Variants in AGO3 observed in about 807,000 individuals in gnomAD.
AGO3 encodes argonaute RISC catalytic component 3.
In AGO3, 16 loss-of-function variants were observed where a neutral mutation model predicts 105.5. The ratio of observed to expected loss-of-function variants is 0.15; its 90% CI spans 0.10 to 0.23. The LOEUF (loss-of-function observed/expected upper bound fraction) is 0.23, where lower values mean the gene tolerates loss of function less well. Among genes scored for constraint, AGO3 ranks in the 10% least tolerant of loss-of-function variants. The probability of loss-of-function intolerance (pLI) is 1.00; values close to 1 mark genes in which losing one functional copy is unlikely to be tolerated. For missense variants in AGO3, 534 were observed against 1,088.0 expected (o/e 0.49, Z 7.16); for synonymous variants, 340 against 367.3 (o/e 0.93, Z 0.85).
chr1:35,991,537 A>T (rs1647656829), intron 5 of AGO3, among the ~76,000 whole-genome samples: 1 of 140,096 alleles, frequency 7.1e-6, no homozygotes, highest in South Asian at 2.1e-4. Flanking sequence ...AGCAAATTTT[A>T]TATATATATA....
intron 5 of AGO3, among the ~76,000 whole-genome samples, chr1:35,979,037 G>A (rs1028013489): frequency 7.9e-5 from 12 of 152,058 alleles, no homozygotes; most frequent in African/African-American, 2.7e-4. Context: ...TTCTGGATTT[G>A]TTGTGAATTT....
At chr1:36,052,551 G>A (rs1374408873) in intron 17 of AGO3, among the ~76,000 whole-genome samples, 2 of 152,080 alleles carry the variant, frequency 1.3e-5, no homozygotes, top group East Asian at 3.8e-4. Flanking sequence ...AGTGGGTTTG[G>A]AATTTTCCTG....
chr1:35,955,412 T>C (rs1246224473), intron 2 of AGO3, among the ~76,000 whole-genome samples: 1 of 152,178 alleles, frequency 6.6e-6, no homozygotes. Flanking sequence ...TTTTAATATG[T>C]AACTGTAGAA....
intron 2 of AGO3, among the ~76,000 whole-genome samples, chr1:35,955,036 C>G (rs1023475665): frequency 1.3e-5 from 2 of 152,152 alleles, no homozygotes; most frequent in Non-Finnish European, 2.9e-5. Context: ...ATAACAGAAA[C>G]AGGCCAGTAT....
intron 1 of AGO3, among the ~76,000 whole-genome samples, chr1:35,935,349 A>G (rs904293319): frequency 3.3e-5 from 5 of 152,242 alleles, no homozygotes; most frequent in Admixed American, 2.0e-4. Flanking sequence ...CCATGATTCT[A>G]TCAGCCTCAT....
intron 5 of AGO3, among the ~76,000 whole-genome samples, chr1:36,001,162 G>A (rs1034913095): frequency 6.6e-6 from 1 of 151,030 alleles, no homozygotes; most frequent in Non-Finnish European, 1.5e-5. Context: ...CTGAACCTGG[G>A]AGGCAGAGGT....
At chr1:35,966,212 A>G (rs1646771995) in intron 2 of AGO3, among the ~76,000 whole-genome samples, 1 of 152,216 alleles carries the variant, frequency 6.6e-6, no homozygotes, top group Non-Finnish European at 1.5e-5. Flanking sequence ...AAACAAAATA[A>G]AAGTGACCCT....
At chr1:35,975,505 T>G (rs1337625418) in intron 5 of AGO3, among the ~76,000 whole-genome samples, 4 of 152,198 alleles carry the variant, frequency 2.6e-5, no homozygotes, top group Non-Finnish European at 5.9e-5. Flanking sequence ...TTACCTAGGT[T>G]GCTATTTGTC....
At position 36,034,277 on chromosome 1, in the gene AGO3, C is replaced by A; in HGVS notation, c.1695C>A (p.Cys565Ter). 6.2e-7 allele frequency: 1 copy of A among 1,610,642 alleles called. No individual in the cohort carries two copies. Among genetic ancestry groups the A allele is most frequent in the Non-Finnish European group, 8.5e-7 (1 of 1,178,450 alleles). ...CTCCTCAAACTCTGTCAAACTTGTGCCTAAAGATAAATGTTAAACTCGGAG... is the reference window on the plus strand; with the variant it reads ...CTCCTCAAACTCTGTCAAACTTGTGACTAAAGATAAATGTTAAACTCGGAG... ...KTSPQTLSNL[C>*]LKINVKLGGI... Residue 565 changes from cysteine to a stop codon, truncating the protein, a stop_gained, in exon 13 of 19, where the codon TGC (cysteine) becomes TGA (stop). Transcript: ENST00000373191. LOFTEE classifies it high-confidence loss of function.
intron 16 of AGO3, among the ~76,000 whole-genome samples, chr1:36,041,264 C>T (rs1423667821): frequency 5.9e-5 from 6 of 102,392 alleles, no homozygotes; most frequent in Admixed American, 1.5e-4. Flanking sequence ...TTTTTTGAGA[C>T]GGAGTCTCAC....
intron 6 of AGO3, chr1:36,005,702 T>C: frequency 1.0e-6 from 1 of 985,210 alleles, no homozygotes; most frequent in Non-Finnish European, 1.2e-6. Flanking sequence ...TCAACTCATA[T>C]CACCACTCTA....
intron 5 of AGO3, among the ~76,000 whole-genome samples, chr1:35,995,564 C>T (rs1418919758): frequency 6.6e-6 from 1 of 152,116 alleles, no homozygotes; most frequent in African/African-American, 2.4e-5. Flanking sequence ...AAAAATTATC[C>T]TCTACTTAAC....
rs1257972664 is a variant in AGO3, at chr1:36,027,652, G to A, written c.1591+354G>A. Among the ~76,000 whole-genome samples the A allele has an allele frequency of 2.0e-5, 3 of 152,100 alleles. No homozygotes were observed. Among genetic ancestry groups the A allele is most frequent in the South Asian group, 2.1e-4 (1 of 4,820 alleles). ...AAATTAGCTGGGCGTGGTGGTGGGCGCCTGTGGTCCCAGCCACTCAGGAGG... is the reference window on the plus strand; with the variant it reads ...AAATTAGCTGGGCGTGGTGGTGGGCACCTGTGGTCCCAGCCACTCAGGAGG... On this transcript the variant is annotated intron_variant, in intron 12 of 18. Transcript: ENST00000373191. This position sits in a 1 kb window ranked among gnomAD's most constrained non-coding sequence, Gnocchi z 4.0.
chr1:36,036,131 T>C (rs374937265), intron 13 of AGO3, 46 bp from the exon 14 acceptor site: 20 of 1,562,116 alleles, frequency 1.3e-5, no homozygotes, highest in Non-Finnish European at 2.6e-6. Flanking sequence ...GATAAATGGA[T>C]ACTGAAAAAA....
chr1:35,938,634 CCAGTTTTTTGTTATTATGACTAAAA>C (rs147723479), intron 1 of AGO3, among the ~76,000 whole-genome samples: 4,405 of 151,992 alleles, frequency 0.029, 100 homozygotes, highest in Admixed American at 0.05. Context: ...TAGATTTTTT[CCAGTTTTTTGTTATTATGACTAAAA>C]CTTTGTAAGT....
At chr1:35,943,580 T>C (rs1381787875) in intron 1 of AGO3, among the ~76,000 whole-genome samples, 8 of 148,456 alleles carry the variant, frequency 5.4e-5, no homozygotes, top group African/African-American at 7.5e-5. Context: ...GGATTACAGG[T>C]GTGAGCCACC....
chr1:35,969,506 C>G (rs905158985), intron 3 of AGO3, among the ~76,000 whole-genome samples: 2 of 152,128 alleles, frequency 1.3e-5, no homozygotes, highest in African/African-American at 2.4e-5. Context: ...GTTCATTAAT[C>G]TGCTGTAAGG....
At chr1:35,989,288 C>T (rs968235299) in intron 5 of AGO3, among the ~76,000 whole-genome samples, 5 of 152,182 alleles carry the variant, frequency 3.3e-5, no homozygotes, top group African/African-American at 1.2e-4. Flanking sequence ...GTTCTATTGG[C>T]ATTTAATAGC....
intron 4 of AGO3, 53 bp from the exon 5 acceptor site, chr1:35,973,322 T>TA: frequency 7.2e-7 from 1 of 1,385,246 alleles, no homozygotes. Context: ...TCTGCAGATT[T>TA]AAATACTTGC....
Sources: gnomAD v4.1 joint callset for allele counts (sites outside exome capture counted in the v4.1 genomes callset) on GRCh38, gnomAD v4.1.1 for gene constraint, Gnocchi (gnomAD v3.1) non-coding constraint, MANE v1.5 for transcripts, NCBI Gene and HGNC (gene_info 2026-07-23, HGNC 2026-07-21) for gene names.